NIPBL: variants seen among roughly 807,000 people sequenced by gnomAD.
The protein encoded by NIPBL is nipped-B-like protein.
A neutral mutation model predicts 321.8 loss-of-function variants in NIPBL; 19 were observed. The observed-to-expected ratio is 0.06, with a 90% CI of 0.04 to 0.09. NIPBL has a LOEUF of 0.09. Ranked by LOEUF, NIPBL falls within the 10% of genes least tolerant of loss-of-function variation. The pLI is 1.00. For synonymous variants in NIPBL, 1,106 were observed against 1,114.1 expected (o/e 0.99, Z 0.14); for missense variants, 2,210 against 3,327.0 (o/e 0.66, Z 8.26).
At chr5:36,971,615 C>A in intron 7 of NIPBL, 1 of 153,430 alleles carries the variant, frequency 6.5e-6, no homozygotes, top group Non-Finnish European at 1.4e-5. Flanking sequence ...CTAAGGATAA[C>A]ACAGATGACA....
At chr5:36,906,392 G>T (rs771080934) in intron 1 of NIPBL, among the ~76,000 whole-genome samples, 1 of 152,058 alleles carries the variant, frequency 6.6e-6, no homozygotes, top group Admixed American at 6.5e-5. Context: ...AATGTATTTT[G>T]TGTTAAGTAT....
intron 34 of NIPBL, among the ~76,000 whole-genome samples, chr5:37,039,066 TTGTC>T (rs1752038306): frequency 6.6e-6 from 1 of 152,028 alleles, no homozygotes; most frequent in Admixed American, 6.6e-5. Flanking sequence ...TACTTTTCAT[TTGTC>T]TGTCATTTAT....
intron 38 of NIPBL, among the ~76,000 whole-genome samples, chr5:37,047,229 A>C (rs1753074532): frequency 6.6e-6 from 1 of 152,206 alleles, no homozygotes; most frequent in Non-Finnish European, 1.5e-5. Flanking sequence ...GATACCGAGC[A>C]ATGACTGTAC....
At position 37,054,946 on chromosome 5, in the gene NIPBL, T is replaced by C. The variant is rs536491555; in HGVS notation, c.7264-2240T>C. ...AAACATTGTAAGTGTGTGAATAAAA[T>C]AATGAGGACAATTGCCAAAGAGCAG... On this transcript the variant is annotated intron_variant, in intron 42 of 46. Transcript: ENST00000282516. 1.5e-4 allele frequency among the ~76,000 whole-genome samples: 22 copies of C among 151,600 alleles called. No individual in the cohort carries two copies. In the South Asian group the frequency reaches 3.3e-3, roughly 23 times the overall value.
At chr5:37,028,333 C>CTTTTTTTTTTTTTTTTTTTT (rs10676635) in intron 32 of NIPBL, among the ~76,000 whole-genome samples, 1 of 102,556 alleles carries the variant, frequency 9.8e-6, no homozygotes, top group African/African-American at 4.3e-5. Context: ...TTCCATAATA[C>CTTTTTTTTTTTTTTTTTTTT]TTTTTTTTTT....
chr5:37,040,061 T>C (rs574166582), intron 34 of NIPBL, among the ~76,000 whole-genome samples: 13 of 152,152 alleles, frequency 8.5e-5, no homozygotes, highest in Non-Finnish European at 1.8e-4. Flanking sequence ...TATAAATAAC[T>C]GGCCCAATGT....
intron 9 of NIPBL, among the ~76,000 whole-genome samples, chr5:36,980,731 A>G (rs1372203149): frequency 6.6e-6 from 1 of 151,666 alleles, no homozygotes; most frequent in Non-Finnish European, 1.5e-5. Flanking sequence ...CCTCCTAACA[A>G]TGCATTTCGC....
chr5:36,969,230 C>T (rs1002428697), intron 6 of NIPBL, among the ~76,000 whole-genome samples: 7 of 152,040 alleles, frequency 4.6e-5, no homozygotes, highest in African/African-American at 7.2e-5. Flanking sequence ...TTATTACACC[C>T]GTATCTATAA....
Position 36,962,126 on chromosome 5 carries a change from G to A in NIPBL, c.462G>A (p.Arg154=), listed in dbSNP as rs769203117. Residue 154 remains arginine (R), a synonymous_variant, in exon 6 of 47, where the codon CGG becomes CGA. Coordinates refer to ENST00000282516, the MANE Select transcript of NIPBL (RefSeq NM_133433.4). Reference sequence around the variant, plus strand: ...TTATTTGGGTTTTGGGTTTTAGCCGGTTTGTGCCACCACAGACAAGCTCTG... The same window carrying A: ...TTATTTGGGTTTTGGGTTTTAGCCGATTTGTGCCACCACAGACAAGCTCTG... ...QTTISHSPSS[R]FVPPQTSSGN... 6.8e-6 allele frequency: 11 copies of A among 1,614,036 alleles called. No individual in the cohort carries two copies. In the Admixed American group the frequency reaches 1.8e-4, roughly 27 times the overall value.
intron 33 of NIPBL, among the ~76,000 whole-genome samples, chr5:37,037,387 CAA>C (rs1373199745): frequency 7.0e-6 from 1 of 142,126 alleles, no homozygotes; most frequent in African/African-American, 2.6e-5. Context: ...GACTCCGTCT[CAA>C]AAAATATATA....
intron 4 of NIPBL, 60 bp from the exon 5 acceptor site, chr5:36,961,424 T>G: frequency 1.0e-6 from 1 of 1,004,280 alleles, no homozygotes; most frequent in Non-Finnish European, 1.6e-6. Flanking sequence ...ATTTCAGTTA[T>G]TTAAAGGACA....
At chr5:36,953,584 C>A in intron 1 of NIPBL, 34 bp from the exon 2 acceptor site, 1 of 873,422 alleles carries the variant, frequency 1.1e-6, no homozygotes, top group African/African-American at 1.6e-5. Flanking sequence ...TCTGACATAT[C>A]TCTACAAATA....
At chr5:37,064,020 G>A (rs769683541) in intron 46 of NIPBL, 42 bp downstream of exon 46, 20 of 1,604,404 alleles carry the variant, frequency 1.2e-5, no homozygotes, top group Admixed American at 1.7e-5. Context: ...AGCGTATTAC[G>A]TAAAATGATT....
chr5:37,041,252 GTTTT>G (rs1163179336), intron 34 of NIPBL, among the ~76,000 whole-genome samples: 2 of 63,996 alleles, frequency 3.1e-5, no homozygotes, highest in East Asian at 4.0e-4. Flanking sequence ...TTATGTGGTG[GTTTT>G]TTTTTTTTTT....
At chr5:37,052,261 TAAAAA>T in intron 41 of NIPBL, 100 bp from the exon 42 acceptor site, 1 of 864,870 alleles carries the variant, frequency 1.2e-6, no homozygotes, top group Non-Finnish European at 1.9e-6. Context: ...TTATTTTAAT[TAAAAA>T]AAAACAATGA....
At chr5:36,960,984 G>T (rs1406106408) in intron 4 of NIPBL, among the ~76,000 whole-genome samples, 2 of 152,102 alleles carry the variant, frequency 1.3e-5, no homozygotes, top group Non-Finnish European at 2.9e-5. Context: ...GGTGGAAATT[G>T]CAGGAATTCA....
chr5:36,928,697 C>T (rs1432393153), intron 1 of NIPBL, among the ~76,000 whole-genome samples: 1 of 152,194 alleles, frequency 6.6e-6, no homozygotes, highest in East Asian at 1.9e-4. Context: ...ACAGCCCTCT[C>T]CAGTCCTGGC....
chr5:37,036,498 T>A lies in NIPBL; in HGVS notation c.5971+11T>A, dbSNP rs1579524187. ...AGGAATCTCTAGCTGGTAAGACATT[T>A]TATATATATATTGATCTTTAGTTGA... On this transcript the variant is annotated intron_variant, in intron 33 of 46. Coordinates refer to ENST00000282516, the MANE Select transcript of NIPBL (RefSeq NM_133433.4). The A allele has an allele frequency of 4.6e-6, 5 of 1,094,396 alleles. No homozygotes were observed. The highest frequency in any genetic ancestry group is 1.6e-5 in the South Asian group (1 of 61,470). The allele number at this position is 1,094,396 out of a possible 1,614,324, so 67.8% of individuals were successfully genotyped here. A position where few individuals can be genotyped will look rare whatever the true frequency, so the allele number is the denominator to read the frequency against.
chr5:36,958,290 A>C, intron 4 of NIPBL, 59 bp downstream of exon 4: 2 of 1,569,840 alleles, frequency 1.3e-6, no homozygotes, highest in Non-Finnish European at 1.8e-6. Flanking sequence ...ATTTAAATCC[A>C]GGTGTCTTCT....
Sources: gnomAD v4.1 joint callset for allele counts (sites outside exome capture counted in the v4.1 genomes callset) on GRCh38, gnomAD v4.1.1 for gene constraint, MANE v1.5 for transcripts, NCBI Gene and HGNC (gene_info 2026-07-23, HGNC 2026-07-21) for gene names.